Variants in SKI observed in about 807,000 individuals in gnomAD.
The protein encoded by SKI is ski oncogene.
SKI carries 23 observed loss-of-function variants against 59.3 expected under a neutral mutation model. The ratio of observed to expected loss-of-function variants is 0.39; its 90% confidence interval spans 0.28 to 0.55. The LOEUF is 0.55. Ranked by LOEUF, SKI falls within the 20% of genes least tolerant of loss-of-function variation. SKI has a pLI of 0.67. For missense variants in SKI, 1,017 were observed against 1,038.9 expected (o/e 0.98, Z 0.29); for synonymous variants, 673 against 488.6 (o/e 1.38, Z -4.98).
chr1:2,262,204 G>A (rs1467982186), intron 1 of SKI, among the ~76,000 whole-genome samples: 2 of 135,940 alleles, frequency 1.5e-5, no homozygotes, highest in South Asian at 2.5e-4. Flanking sequence ...TCTGGAAGGC[G>A]TGGAATCAGA....
chr1:2,254,588 C>G (rs1639234003), intron 1 of SKI, among the ~76,000 whole-genome samples: 1 of 152,222 alleles, frequency 6.6e-6, no homozygotes, highest in Non-Finnish European at 1.5e-5. Flanking sequence ...GACCGGTCTA[C>G]CTGTCTGGCC....
At chr1:2,260,133 T>C (rs543990976) in intron 1 of SKI, among the ~76,000 whole-genome samples, 2 of 152,340 alleles carry the variant, frequency 1.3e-5, no homozygotes, top group East Asian at 1.9e-4. Context: ...CTACCAGCAG[T>C]GAGTGAGAGT....
chr1:2,269,306 G>A lies in SKI; in HGVS notation c.970-33672G>A, dbSNP rs536704730. On this transcript the variant is annotated intron_variant, in intron 1 of 6. Coordinates refer to ENST00000378536, the MANE Select transcript of SKI (RefSeq NM_003036.4). The surrounding 1 kb of genome is among the most constrained non-coding windows in gnomAD (Gnocchi z 4.7). ...AAGAAAGCACCGCTGGCCATGACTG[G>A]GCAGAGCCAGAGAGTGACTAAGGGG... Among the ~76,000 whole-genome samples the A allele has an allele frequency of 4.6e-5, 7 of 152,324 alleles. No individual in the cohort carries two copies. Among genetic ancestry groups the A allele is most frequent in the African/African-American group, 1.4e-4 (6 of 41,570 alleles).
At chr1:2,264,846 C>G (rs1288273947) in intron 1 of SKI, among the ~76,000 whole-genome samples, 1 of 151,920 alleles carries the variant, frequency 6.6e-6, no homozygotes, top group Non-Finnish European at 1.5e-5. Context: ...GAATCTCACT[C>G]TGTCACCCAG....
At chr1:2,293,416 G>A (rs1640209586) in intron 1 of SKI, among the ~76,000 whole-genome samples, 1 of 121,958 alleles carries the variant, frequency 8.2e-6, no homozygotes, top group African/African-American at 3.1e-5. Context: ...AAGATGAGAA[G>A]CCAGGGCGAG....
chr1:2,305,732 G>T (rs1376790752), intron 5 of SKI, among the ~76,000 whole-genome samples: 1 of 152,216 alleles, frequency 6.6e-6, no homozygotes, highest in Non-Finnish European at 1.5e-5. Flanking sequence ...CAAGGGGAAC[G>T]TGGCCCTAGA....
chr1:2,256,556 G>A (rs892111319), intron 1 of SKI, among the ~76,000 whole-genome samples: 9 of 152,226 alleles, frequency 5.9e-5, no homozygotes, highest in African/African-American at 2.2e-4. Context: ...TCCCCTCCTG[G>A]GTTCATCCTT....
chr1:2,240,971 G>C (rs1302357760), intron 1 of SKI, among the ~76,000 whole-genome samples: 2 of 152,232 alleles, frequency 1.3e-5, no homozygotes, highest in Non-Finnish European at 2.9e-5. Flanking sequence ...GGTAACTGCA[G>C]GATGCACACA....
chr1:2,268,343 AC>A lies in SKI; in HGVS notation c.970-34632del, dbSNP rs1460949572. The stretch of plus-strand genomic sequence containing the variant: ...AGGGTTTGGGTGGGCTGAACCCTGC[AC>A]CCTGGCCCGGGTGTGGGGTCCTGGT... On this transcript the variant is annotated intron_variant, in intron 1 of 6. Transcript: ENST00000378536. This position sits in a 1 kb window ranked among gnomAD's most constrained non-coding sequence, Gnocchi z 5.0. Among the ~76,000 whole-genome samples, 3 of 151,740 alleles carry A rather than the reference AC, an allele frequency of 2.0e-5. No homozygotes were observed. Among genetic ancestry groups the A allele is most frequent in the Non-Finnish European group, 2.9e-5 (2 of 67,938 alleles).
Position 2,229,082 on chromosome 1 carries a change from G to C in SKI, c.316G>C (p.Glu106Gln), listed in dbSNP as rs1638571163. The C allele has an allele frequency of 1.9e-6, 3 of 1,608,738 alleles. No homozygotes were observed. Among genetic ancestry groups the C allele is most frequent in the African/African-American group, 2.7e-5 (2 of 75,030 alleles). The change falls in exon 1 of 7, where the codon GAA becomes CAA. Residue 106 changes from glutamate (E) to glutamine (Q), a missense_variant. Coordinates refer to ENST00000378536, the MANE Select transcript of SKI (RefSeq NM_003036.4). This position sits in a 1 kb window ranked among gnomAD's most constrained non-coding sequence, Gnocchi z 6.3. ...CACCGAGCGCTGCGAGACCGTACTG[G>C]AAGGCGAGACCATCTCGTGCTTCGT... ...RSTERCETVL[E>Q]GETISCFVVG...
At position 2,306,780 on chromosome 1, in the gene SKI, G is replaced by T. The variant is rs567459593; in HGVS notation, c.*15G>T. ...TGGAGCCGTAGATTCCGTGCCTGCC[G>T]CCGCAGCGCCGCCGACAACGCGGGT... is the stretch of plus-strand genomic sequence containing the variant. On this transcript the variant is annotated 3_prime_UTR_variant, in exon 7 of 7. Transcript: ENST00000378536. The T allele has an allele frequency of 6.7e-7, 1 of 1,484,960 alleles. No homozygotes were observed. Among genetic ancestry groups the T allele is most frequent in the Non-Finnish European group, 8.9e-7 (1 of 1,121,652 alleles). 92.0% of individuals were successfully genotyped at this position (1,484,960 alleles called of 1,614,324 possible).
chr1:2,252,599 G>A (rs1398596134), intron 1 of SKI, among the ~76,000 whole-genome samples: 1 of 105,872 alleles, frequency 9.4e-6, no homozygotes, highest in African/African-American at 3.5e-5. Context: ...GCTCAGGGAA[G>A]GGAGCAGCCC....
chr1:2,304,837 A>T (rs1297334283), intron 5 of SKI, among the ~76,000 whole-genome samples: 1 of 152,216 alleles, frequency 6.6e-6, no homozygotes, highest in Non-Finnish European at 1.5e-5. Context: ...TGGCTTGACC[A>T]CAGCTTTCCC....
At chr1:2,264,977 AT>A in intron 1 of SKI, among the ~76,000 whole-genome samples, 1 of 151,846 alleles carries the variant, frequency 6.6e-6, no homozygotes, top group African/African-American at 2.4e-5. Flanking sequence ...CGCCTGGCTA[AT>A]TTTTTGTATT....
intron 1 of SKI, among the ~76,000 whole-genome samples, chr1:2,244,829 A>G (rs1462537559): frequency 6.6e-6 from 1 of 152,230 alleles, no homozygotes; most frequent in Non-Finnish European, 1.5e-5. Context: ...AGGAATGGAA[A>G]AAGACATCCC....
At position 2,228,923 on chromosome 1, in the gene SKI, AAGG is replaced by A; in HGVS notation, c.161_163del (p.Glu54del). ...GGAGGCCTACAAGAAGGAGAGCGCC[AAGG>A]AGGCGGGCGCGGCCGCGGTGCCGGC... is the stretch of plus-strand genomic sequence containing the variant. On this transcript the variant is annotated inframe_deletion, in exon 1 of 7. Transcript: ENST00000378536. 1 of 1,390,966 alleles carries A rather than the reference AAGG, an allele frequency of 7.2e-7. No individual in the cohort carries two copies. The highest frequency in any genetic ancestry group is 9.4e-7 in the Non-Finnish European group (1 of 1,066,884). 86.2% of individuals were successfully genotyped at this position (1,390,966 alleles called of 1,614,324 possible). A position where few individuals can be genotyped will look rare whatever the true frequency, so the allele number is the denominator to read the frequency against.
chr1:2,268,218 C>T lies in SKI; in HGVS notation c.970-34760C>T, dbSNP rs774669710. Among the ~76,000 whole-genome samples, 6 of 152,178 alleles carry T rather than the reference C, an allele frequency of 3.9e-5. No individual in the cohort carries two copies. The highest frequency in any genetic ancestry group is 5.9e-5 in the Non-Finnish European group (4 of 68,008). On this transcript the variant is annotated intron_variant, in intron 1 of 6. Coordinates refer to ENST00000378536, the MANE Select transcript of SKI (RefSeq NM_003036.4). This position sits in a 1 kb window ranked among gnomAD's most constrained non-coding sequence, Gnocchi z 5.0. ...GCTGTCGCCCATCCTTGGGGGCCGGCGTCGCCTCCCTGCTGCTCCTACTGT... is the reference window on the plus strand; with the variant it reads ...GCTGTCGCCCATCCTTGGGGGCCGGTGTCGCCTCCCTGCTGCTCCTACTGT...
At chr1:2,239,970 G>A (rs1217988182) in intron 1 of SKI, among the ~76,000 whole-genome samples, 3 of 152,198 alleles carry the variant, frequency 2.0e-5, no homozygotes, top group South Asian at 2.1e-4. Context: ...TGAGCTCGGC[G>A]CCTCTAGTGT....
At chr1:2,265,107 C>T (rs894676561) in intron 1 of SKI, among the ~76,000 whole-genome samples, 7 of 152,186 alleles carry the variant, frequency 4.6e-5, no homozygotes, top group Admixed American at 1.3e-4. Flanking sequence ...CCACGGCGCC[C>T]GGCTGGACAT....
Sources: gnomAD v4.1 joint callset for allele counts (sites outside exome capture counted in the v4.1 genomes callset) on GRCh38, gnomAD v4.1.1 for gene constraint, Gnocchi (gnomAD v3.1) non-coding constraint, MANE v1.5 for transcripts, NCBI Gene and HGNC (gene_info 2026-07-23, HGNC 2026-07-21) for gene names.